WNT3A: variants seen among roughly 807,000 people sequenced by gnomAD.
The protein encoded by WNT3A is Wnt family member 3A, also known as protein Wnt-3a.
A neutral mutation model predicts 37.0 loss-of-function variants in WNT3A; 17 were observed. The ratio of observed to expected loss-of-function variants is 0.46; its 90% CI spans 0.31 to 0.69. WNT3A has a LOEUF of 0.69. Among genes scored for constraint, WNT3A ranks in the 30% least tolerant of loss-of-function variants. The pLI is 0.05. For synonymous variants in WNT3A, 187 were observed against 211.0 expected (o/e 0.89, Z 0.99); for missense variants, 411 against 510.2 (o/e 0.81, Z 1.87).
chr1:228,052,608 A>G (rs1239082354), intron 3 of WNT3A, among the ~76,000 whole-genome samples: 1 of 152,200 alleles, frequency 6.6e-6, no homozygotes, highest in Non-Finnish European at 1.5e-5. Context: ...ACGGGATTTA[A>G]CAACATGAAG....
chr1:228,021,957 T>C (rs1231051230), intron 1 of WNT3A, among the ~76,000 whole-genome samples: 1 of 152,220 alleles, frequency 6.6e-6, no homozygotes, highest in Non-Finnish European at 1.5e-5. Context: ...GGCTGCATCA[T>C]TTCCTGTTAC....
At chr1:228,010,579 C>G (rs1182066028) in intron 1 of WNT3A, among the ~76,000 whole-genome samples, 1 of 152,216 alleles carries the variant, frequency 6.6e-6, no homozygotes, top group African/African-American at 2.4e-5. Flanking sequence ...CCACCCCTTA[C>G]CCAGCCCTGC....
intron 1 of WNT3A, among the ~76,000 whole-genome samples, chr1:228,011,203 G>T (rs2030358849): frequency 6.6e-6 from 1 of 151,862 alleles, no homozygotes; most frequent in East Asian, 1.9e-4. Flanking sequence ...ATACGTGTGT[G>T]GTGTGTGGGC....
Position 228,038,088 on chromosome 1 carries a change from C to A in WNT3A, c.314-12568C>A, listed in dbSNP as rs547040644. 2.0e-5 allele frequency among the ~76,000 whole-genome samples: 3 copies of A among 152,050 alleles called. No individual in the cohort carries two copies. In the South Asian group the frequency reaches 6.2e-4, roughly 32 times the overall value. On this transcript the variant is annotated intron_variant, in intron 2 of 3. Coordinates refer to ENST00000284523, the MANE Select transcript of WNT3A (RefSeq NM_033131.4). The surrounding 1 kb of genome is among the most constrained non-coding windows in gnomAD (Gnocchi z 5.7). ...GCGCCCGGCCGCGCGGGCCGCCCGG[C>A]GGTGTCAGGGGCCGTGGCCGCGGTG...
chr1:228,021,666 A>G (rs2030711380), intron 1 of WNT3A, among the ~76,000 whole-genome samples: 1 of 152,222 alleles, frequency 6.6e-6, no homozygotes, highest in South Asian at 2.1e-4. Flanking sequence ...CTCATTGTGG[A>G]CACGTGTTTA....
chr1:228,032,050 G>A (rs941292070), intron 2 of WNT3A, among the ~76,000 whole-genome samples: 10 of 152,194 alleles, frequency 6.6e-5, no homozygotes, highest in African/African-American at 2.2e-4. Context: ...TGCTACCCTC[G>A]GGAATCTTTA....
In WNT3A at chr1:228,055,173, AAAAAAAATATATATATATATATATAT is replaced by A. The variant is rs1306822317; in HGVS notation, c.580-3811_580-3786del. On this transcript the variant is annotated intron_variant, in intron 3 of 3. Coordinates refer to ENST00000284523, the MANE Select transcript of WNT3A (RefSeq NM_033131.4). Reference sequence around the variant, plus strand: ...AACTCCGTCCCAAAAAAAAAAAAAAAAAAAAAATATATATATATATATATATATATATATATATATATATATACACA... The same window carrying A: ...AACTCCGTCCCAAAAAAAAAAAAAAAATATATATATATATATATATACACA... 1.2e-4 allele frequency among the ~76,000 whole-genome samples: 9 copies of A among 72,348 alleles called. No homozygotes were observed. In the East Asian group the frequency reaches 1.4e-3, roughly 11 times the overall value. 47.5% of individuals were successfully genotyped at this position (72,348 alleles called of 152,430 possible).
chr1:228,042,240 G>A lies in WNT3A; in HGVS notation c.314-8416G>A, dbSNP rs1301486104. 2.0e-5 allele frequency among the ~76,000 whole-genome samples: 3 copies of A among 152,138 alleles called. No individual in the cohort carries two copies. Among genetic ancestry groups the A allele is most frequent in the African/African-American group, 7.2e-5 (3 of 41,424 alleles). Reference sequence around the variant, plus strand: ...CATCTGCCCACCTCAGCCTCCCAAAGTGCTGGGATTACAGCTGTGAGCCAC... The same window carrying A: ...CATCTGCCCACCTCAGCCTCCCAAAATGCTGGGATTACAGCTGTGAGCCAC... On this transcript the variant is annotated intron_variant, in intron 2 of 3. Coordinates refer to ENST00000284523, the MANE Select transcript of WNT3A (RefSeq NM_033131.4). The surrounding 1 kb of genome is among the most constrained non-coding windows in gnomAD (Gnocchi z 5.2).
At chr1:228,016,541 C>CG (rs1194382777) in intron 1 of WNT3A, among the ~76,000 whole-genome samples, 5 of 152,146 alleles carry the variant, frequency 3.3e-5, no homozygotes, top group Non-Finnish European at 7.4e-5. Flanking sequence ...CTTGGGTCAT[C>CG]AGCTGCAAGG....
intron 1 of WNT3A, among the ~76,000 whole-genome samples, chr1:228,016,813 GA>G (rs1179951997): frequency 6.6e-6 from 1 of 152,242 alleles, no homozygotes; most frequent in East Asian, 1.9e-4. Flanking sequence ...ACACGCGGGA[GA>G]GGGGGCAGGG....
At chr1:228,020,445 C>T (rs993939263) in intron 1 of WNT3A, among the ~76,000 whole-genome samples, 3 of 152,238 alleles carry the variant, frequency 2.0e-5, no homozygotes, top group Non-Finnish European at 4.4e-5. Flanking sequence ...AGGTCACAGA[C>T]AGCTGACCTT....
chr1:228,056,831 G>A (rs541379686), intron 3 of WNT3A, among the ~76,000 whole-genome samples: 1 of 152,178 alleles, frequency 6.6e-6, no homozygotes, highest in Non-Finnish European at 1.5e-5. Context: ...CAGACTTTTC[G>A]GGAGCAATAA....
At position 228,057,253 on chromosome 1, in the gene WNT3A, G is replaced by A. The variant is rs12040623; in HGVS notation, c.580-1733G>A. ...TAAGCTAGTTTTTAGGGCAGGAGGG[G>A]TTGGTGCTTGGGAAGTGTGCATCAG... On this transcript the variant is annotated intron_variant, in intron 3 of 3. Coordinates refer to ENST00000284523, the MANE Select transcript of WNT3A (RefSeq NM_033131.4). Among the ~76,000 whole-genome samples, 44 of 152,326 alleles carry A rather than the reference G, an allele frequency of 2.9e-4. No homozygotes were observed. The East Asian group carries it at 8.3e-3, about 29-fold the overall frequency.
At position 228,058,948 on chromosome 1, in the gene WNT3A, G is replaced by A. The variant is rs764741470; in HGVS notation, c.580-38G>A. Reference sequence around the variant, plus strand: ...TGTTTCCTCGGGGAGACGCACCAGGGGGCCGCCCTGACGCTGGCTCCTGCG... The same window carrying A: ...TGTTTCCTCGGGGAGACGCACCAGGAGGCCGCCCTGACGCTGGCTCCTGCG... On this transcript the variant is annotated intron_variant, in intron 3 of 3. Transcript: ENST00000284523. 32 of 1,567,452 alleles carry A rather than the reference G, an allele frequency of 2.0e-5. No individual in the cohort carries two copies. The Admixed American group carries it at 5.0e-4, about 24-fold the overall frequency.
At chr1:228,036,076 A>T (rs1244047702) in intron 2 of WNT3A, among the ~76,000 whole-genome samples, 4 of 152,128 alleles carry the variant, frequency 2.6e-5, no homozygotes, top group Non-Finnish European at 5.9e-5. Context: ...GCCATTGTGG[A>T]GGCCCTGGCT....
In WNT3A at chr1:228,029,743, C is replaced by A. The variant is rs187746214; in HGVS notation, c.313+6835C>A. Among the ~76,000 whole-genome samples, 33 of 146,768 alleles carry A rather than the reference C, an allele frequency of 2.2e-4. No homozygotes were observed. The East Asian group carries it at 2.4e-3, about 11-fold the overall frequency. On this transcript the variant is annotated intron_variant, in intron 2 of 3. Coordinates refer to ENST00000284523, the MANE Select transcript of WNT3A (RefSeq NM_033131.4). ...AATAGTATGAATGCTTGTGCCCACC[C>A]CCCCCCCAATTCCTACATTGAAATC...
chr1:228,021,040 T>G (rs773083301), intron 1 of WNT3A, among the ~76,000 whole-genome samples: 2 of 152,322 alleles, frequency 1.3e-5, no homozygotes, highest in East Asian at 1.9e-4. Context: ...AATTGAGGTG[T>G]ATTTTGTACA....
rs1461688692 is a variant in WNT3A, at chr1:228,042,923, A to C, written c.314-7733A>C. ...TACATGATGGATAGTAGATATATGGATGATGGATGGATGGATGGTGAATGG... is the reference window on the plus strand; with the variant it reads ...TACATGATGGATAGTAGATATATGGCTGATGGATGGATGGATGGTGAATGG... On this transcript the variant is annotated intron_variant, in intron 2 of 3. Transcript: ENST00000284523. This position sits in a 1 kb window ranked among gnomAD's most constrained non-coding sequence, Gnocchi z 5.2. Among the ~76,000 whole-genome samples the C allele has an allele frequency of 6.6e-6, 1 of 151,824 alleles. No individual in the cohort carries two copies. The highest frequency in any genetic ancestry group is 2.4e-5 in the African/African-American group (1 of 41,316).
chr1:228,044,403 C>T (rs147005417), intron 2 of WNT3A, among the ~76,000 whole-genome samples: 1 of 152,294 alleles, frequency 6.6e-6, no homozygotes, highest in East Asian at 1.9e-4. Context: ...CCAGAACCCC[C>T]TCCTGGGTCC....
Sources: allele counts gnomAD v4.1 joint callset (sites outside exome capture counted in the v4.1 genomes callset), GRCh38; gene constraint gnomAD v4.1.1; non-coding constraint Gnocchi (gnomAD v3.1); transcripts MANE v1.5; gene names NCBI Gene and HGNC (gene_info 2026-07-23, HGNC 2026-07-21).